The following LMX1A variants were observed in gnomAD, a reference collection of about 807,000 sequenced individuals.
LMX1A encodes LIM homeobox transcription factor 1-alpha.
LMX1A carries 15 observed loss-of-function variants against 49.1 expected under a neutral mutation model. That is an observed-to-expected ratio of 0.31 (90% CI 0.20 to 0.47). The LOEUF is 0.47. LMX1A is among the 20% of genes least tolerant of loss of function. The probability of loss-of-function intolerance (pLI) is 1.00; values close to 1 mark genes in which losing one functional copy is unlikely to be tolerated. For synonymous variants in LMX1A, 167 were observed against 185.7 expected (o/e 0.90, Z 0.82); for missense variants, 372 against 475.8 (o/e 0.78, Z 2.03).
chr1:165,338,451 G>A (rs1655968219), intron 3 of LMX1A, among the ~76,000 whole-genome samples: 1 of 152,186 alleles, frequency 6.6e-6, no homozygotes, highest in South Asian at 2.1e-4. Context: ...TACCTGAGCT[G>A]ATATTAACTA....
chr1:165,261,012 G>C (rs545524140), intron 3 of LMX1A, among the ~76,000 whole-genome samples: 16 of 152,226 alleles, frequency 1.1e-4, no homozygotes, highest in African/African-American at 3.9e-4. Context: ...TCATTATACA[G>C]AGGGCAAAAC....
At chr1:165,293,437 A>G (rs1033297807) in intron 3 of LMX1A, among the ~76,000 whole-genome samples, 1 of 152,246 alleles carries the variant, frequency 6.6e-6, no homozygotes, top group Non-Finnish European at 1.5e-5. Context: ...TCTCATCTGT[A>G]GAATAAGAGA....
At chr1:165,314,772 T>A (rs1655174034) in intron 3 of LMX1A, among the ~76,000 whole-genome samples, 2 of 152,186 alleles carry the variant, frequency 1.3e-5, no homozygotes, top group South Asian at 4.1e-4. Flanking sequence ...GTTTCTGTTT[T>A]CTACAGTAGC....
At chr1:165,319,205 C>A (rs770023325) in intron 3 of LMX1A, among the ~76,000 whole-genome samples, 6 of 152,062 alleles carry the variant, frequency 3.9e-5, no homozygotes, top group Non-Finnish European at 7.4e-5. Context: ...TATTTAAATA[C>A]TTAAGAAGTT....
At chr1:165,351,249 G>C (rs556188540) in intron 3 of LMX1A, among the ~76,000 whole-genome samples, 127 of 152,062 alleles carry the variant, frequency 8.4e-4, no homozygotes, top group African/African-American at 2.7e-3. Context: ...TGCTAGTGTT[G>C]TGCCTGAAGG....
At chr1:165,279,182 G>T (rs1377666623) in intron 3 of LMX1A, among the ~76,000 whole-genome samples, 1 of 152,212 alleles carries the variant, frequency 6.6e-6, no homozygotes, top group East Asian at 1.9e-4. Context: ...TACAAAACCT[G>T]TCCAATGAAG....
In LMX1A at chr1:165,203,647, C is replaced by A. The variant is rs1473694324; in HGVS notation, c.*233G>T. On this transcript the variant is annotated 3_prime_UTR_variant, in exon 9 of 9. Coordinates refer to ENST00000342310, the MANE Select transcript of LMX1A (RefSeq NM_177398.4). Reference sequence around the variant, plus strand: ...AAGTCTCTGTCCTTAATGATAAACACGTCTTCATATCTAATGCTAAGACTC... The same window carrying A: ...AAGTCTCTGTCCTTAATGATAAACAAGTCTTCATATCTAATGCTAAGACTC... 5.3e-5 allele frequency: 21 copies of A among 394,428 alleles called. No individual in the cohort carries two copies. The highest frequency in any genetic ancestry group is 3.2e-5 in the Non-Finnish European group (7 of 217,138). 24.4% of individuals were successfully genotyped at this position (394,428 alleles called of 1,614,324 possible).
chr1:165,302,230 G>C (rs917332300), intron 3 of LMX1A, among the ~76,000 whole-genome samples: 1 of 151,984 alleles, frequency 6.6e-6, no homozygotes, highest in Non-Finnish European at 1.5e-5. Flanking sequence ...GATCACCTGA[G>C]GTCAGGAGTT....
rs1023762491 is a variant in LMX1A at position 165,235,081 on chromosome 1, T to C, written c.496+14327A>G. Reference sequence around the variant, plus strand: ...CTGCTTTCCTGATATTTAAATCACCTCGCATCTGGCCACCATTTATTTACG... The same window carrying C: ...CTGCTTTCCTGATATTTAAATCACCCCGCATCTGGCCACCATTTATTTACG... On this transcript the variant is annotated intron_variant, in intron 4 of 8. Coordinates refer to ENST00000342310, the MANE Select transcript of LMX1A (RefSeq NM_177398.4). 3.5e-4 allele frequency among the ~76,000 whole-genome samples: 53 copies of C among 152,154 alleles called. 1 individual carries two copies. The highest frequency in any genetic ancestry group is 1.3e-3 in the African/African-American group (52 of 41,430).
rs115464793 is a variant in LMX1A, at chr1:165,343,895, G to A, written c.263+9181C>T. ...CATTCCTTTGACTGAACACCCTTCC[G>A]GTTAAAAAGTATCTTCAGAAGAATA... is the stretch of plus-strand genomic sequence containing the variant. On this transcript the variant is annotated intron_variant, in intron 3 of 8. Coordinates refer to ENST00000342310, the MANE Select transcript of LMX1A (RefSeq NM_177398.4). Among the ~76,000 whole-genome samples, 80 of 152,196 alleles carry A rather than the reference G, an allele frequency of 5.3e-4. No homozygotes were observed. The East Asian group carries it at 7.0e-3, about 13-fold the overall frequency.
In LMX1A at chr1:165,225,863, G is replaced by A. The variant is rs1652017674; in HGVS notation, c.497-12050C>T. ...CACCCCTACACTCCCACCCCTGCAG[G>A]TGCACACAAGGAGATTGGGTAAGAG... On this transcript the variant is annotated intron_variant, in intron 4 of 8. Transcript: ENST00000342310. Among the ~76,000 whole-genome samples the A allele has an allele frequency of 2.0e-5, 3 of 152,298 alleles. No individual in the cohort carries two copies. In the South Asian group the frequency reaches 6.2e-4, roughly 32 times the overall value.
intron 4 of LMX1A, among the ~76,000 whole-genome samples, chr1:165,236,475 T>G (rs958215916): frequency 5.9e-5 from 9 of 152,040 alleles, no homozygotes; most frequent in Admixed American, 5.9e-4. Flanking sequence ...ATCATTAAAT[T>G]TGCATTTCCA....
intron 4 of LMX1A, among the ~76,000 whole-genome samples, chr1:165,234,155 C>T (rs1468241110): frequency 6.6e-6 from 1 of 152,212 alleles, no homozygotes; most frequent in Non-Finnish European, 1.5e-5. Flanking sequence ...CTCTCACTCA[C>T]ACCAGGATCT....
intron 5 of LMX1A, among the ~76,000 whole-genome samples, chr1:165,212,516 G>GCT (rs1553201480): frequency 2.7e-5 from 4 of 149,428 alleles, no homozygotes; most frequent in African/African-American, 4.9e-5. Flanking sequence ...CTTTTTGTTT[G>GCT]TTTTTTTTTT....
chr1:165,306,024 C>T (rs1164331019), intron 3 of LMX1A, among the ~76,000 whole-genome samples: 1 of 152,152 alleles, frequency 6.6e-6, no homozygotes, highest in African/African-American at 2.4e-5. Flanking sequence ...TTGTGAAAAC[C>T]ATGTCCCAGA....
chr1:165,262,016 A>G (rs185306500), intron 3 of LMX1A, among the ~76,000 whole-genome samples: 11 of 152,350 alleles, frequency 7.2e-5, no homozygotes, highest in Admixed American at 5.9e-4. Flanking sequence ...TTGAGATGAT[A>G]AATTTCATGT....
intron 3 of LMX1A, among the ~76,000 whole-genome samples, chr1:165,259,933 T>C (rs1046120914): frequency 6.6e-6 from 1 of 152,178 alleles, no homozygotes; most frequent in Non-Finnish European, 1.5e-5. Context: ...TGTTGAAACC[T>C]GAAAAGTATC....
chr1:165,349,655 C>G (rs1001471815), intron 3 of LMX1A, among the ~76,000 whole-genome samples: 2 of 152,058 alleles, frequency 1.3e-5, no homozygotes, highest in African/African-American at 4.8e-5. Context: ...TTATTCCTAA[C>G]GGCATCGCAG....
chr1:165,250,250 T>TA (rs761830465), intron 3 of LMX1A, among the ~76,000 whole-genome samples: 97 of 151,002 alleles, frequency 6.4e-4, no homozygotes, highest in African/African-American at 2.0e-3. Context: ...AATTAAAAAT[T>TA]AAAAAAAAAG....
Sources: gnomAD v4.1 joint callset for allele counts (sites outside exome capture counted in the v4.1 genomes callset) on GRCh38, gnomAD v4.1.1 for gene constraint, MANE v1.5 for transcripts, NCBI Gene and HGNC (gene_info 2026-07-23, HGNC 2026-07-21) for gene names.